The following TUT7 variants were observed in gnomAD, a reference collection of about 807,000 sequenced individuals.
TUT7 encodes terminal uridylyltransferase 7.
TUT7 carries 33 observed loss-of-function variants against 165.9 expected under a neutral mutation model. The ratio of observed to expected loss-of-function variants is 0.20; its 90% CI spans 0.15 to 0.27. The LOEUF (loss-of-function observed/expected upper bound fraction) is 0.27. TUT7 is among the 10% of genes least tolerant of loss of function. The pLI is 1.00. For synonymous variants in TUT7, 552 were observed against 608.1 expected (o/e 0.91, Z 1.36); for missense variants, 1,338 against 1,762.3 (o/e 0.76, Z 4.31).
intron 10 of TUT7, among the ~76,000 whole-genome samples, chr9:86,332,431 C>T (rs1220162744): frequency 6.6e-6 from 1 of 152,072 alleles, no homozygotes; most frequent in Non-Finnish European, 1.5e-5. Flanking sequence ...AGCAAACTAA[C>T]GTAGGAACAG....
At chr9:86,290,027 C>G (rs1825790882) in intron 26 of TUT7, among the ~76,000 whole-genome samples, 1 of 151,604 alleles carries the variant, frequency 6.6e-6, no homozygotes, top group Non-Finnish European at 1.5e-5. Context: ...TAAAATATAC[C>G]CCACCAATCA....
At chr9:86,347,792 C>T (rs1296530487) in intron 2 of TUT7, among the ~76,000 whole-genome samples, 1 of 152,082 alleles carries the variant, frequency 6.6e-6, no homozygotes, top group Non-Finnish European at 1.5e-5. Flanking sequence ...GGCTACCTTG[C>T]GCTACCTTAA....
intron 2 of TUT7, 25 bp downstream of exon 2, chr9:86,352,655 G>C (rs752494959): frequency 6.2e-7 from 1 of 1,613,702 alleles, no homozygotes; most frequent in Non-Finnish European, 8.5e-7. Flanking sequence ...CTGGGGTTGT[G>C]ATCTGACAAG....
At chr9:86,316,492 C>A (rs894678535) in intron 17 of TUT7, among the ~76,000 whole-genome samples, 1 of 152,160 alleles carries the variant, frequency 6.6e-6, no homozygotes, top group Non-Finnish European at 1.5e-5. Context: ...GCTTGTTGAG[C>A]AGAACAGCTG....
chr9:86,323,310 C>T lies in TUT7; in HGVS notation c.2440G>A (p.Gly814Arg). Residue 814 changes from glycine (G) to arginine (R), a missense_variant, in exon 13 of 27, where the codon GGA becomes AGA. Gly to Arg is a moderately radical substitution (Grantham distance 125). This residue lies in a region of TUT7 where 425 missense variants were observed against 474.9 expected (regional missense o/e 0.89). Transcript: ENST00000375963. ...ATLDNKADLD[G>R]ESTEGTEELE... ...TCCTCAGTACCTTCTGTACTTTCTC[C>T]ATCAAGATCAGCCTTGTTATCTAAA... The T allele has an allele frequency of 1.2e-6, 2 of 1,614,148 alleles. No individual in the cohort carries two copies. Among genetic ancestry groups the T allele is most frequent in the Non-Finnish European group, 1.7e-6 (2 of 1,180,028 alleles).
At chr9:86,353,273 G>A in intron 1 of TUT7, 43 bp from the exon 2 acceptor site, 7 of 1,436,174 alleles carry the variant, frequency 4.9e-6, no homozygotes, top group Non-Finnish European at 6.5e-6. Flanking sequence ...TATATAACAA[G>A]ATATCATACA....
At chr9:86,316,196 A>G (rs540674639) in intron 17 of TUT7, among the ~76,000 whole-genome samples, 4 of 152,244 alleles carry the variant, frequency 2.6e-5, no homozygotes, top group Non-Finnish European at 5.9e-5. Context: ...CATGACAACA[A>G]AAGGATACGT....
At chr9:86,324,095 T>TAA in intron 12 of TUT7, 135 bp from the exon 13 acceptor site, 3 of 844,316 alleles carry the variant, frequency 3.6e-6, no homozygotes, top group East Asian at 3.0e-5. Flanking sequence ...TTTATAGACT[T>TAA]AAAAAAAAAC....
intron 2 of TUT7, among the ~76,000 whole-genome samples, chr9:86,348,504 G>C (rs1221463445): frequency 6.6e-6 from 1 of 152,166 alleles, no homozygotes; most frequent in Non-Finnish European, 1.5e-5. Flanking sequence ...GTAATTCCCA[G>C]CACTTTGGGA....
intron 2 of TUT7, among the ~76,000 whole-genome samples, chr9:86,351,925 T>C (rs1455351587): frequency 6.6e-6 from 1 of 152,218 alleles, no homozygotes; most frequent in African/African-American, 2.4e-5. Flanking sequence ...AAAAATAACC[T>C]TCCTGTTTGC....
At chr9:86,295,036 A>G (rs955799214) in intron 26 of TUT7, among the ~76,000 whole-genome samples, 1 of 152,048 alleles carries the variant, frequency 6.6e-6, no homozygotes, top group Non-Finnish European at 1.5e-5. Flanking sequence ...TGCCCCTGTC[A>G]TTTTTGTTGC....
Position 86,323,870 on chromosome 9 carries a change from T to G in TUT7, c.1880A>C (p.Lys627Thr), listed in dbSNP as rs1829554412. 2.5e-6 allele frequency: 4 copies of G among 1,613,986 alleles called. No individual in the cohort carries two copies. Among genetic ancestry groups the G allele is most frequent in the Non-Finnish European group, 3.4e-6 (4 of 1,179,968 alleles). ...AATTTTGTGTGGAAGAGCAAAATAC[T>G]TGTATGTTGTCCTTAAACAATGAAG... Reference protein sequence around the residue: ...YILHCLRTTYKYFALPHKITK... With the variant: ...YILHCLRTTYTYFALPHKITK... Residue 627 changes from lysine to threonine, a missense_variant, in exon 13 of 27, where the codon AAG becomes ACG. Around this residue, in one of 7 missense-constraint regions of TUT7, gnomAD observed 425 missense variants for 474.9 expected, o/e 0.89. Transcript: ENST00000375963.
At chr9:86,345,622 TAA>T (rs1452704257) in intron 4 of TUT7, 45 bp downstream of exon 4, 6 of 1,348,270 alleles carry the variant, frequency 4.5e-6, no homozygotes, top group Non-Finnish European at 4.2e-6. Context: ...TGACAAGTAA[TAA>T]CAACTAACAA....
intron 10 of TUT7, among the ~76,000 whole-genome samples, chr9:86,333,386 GACTA>G (rs1020473021): frequency 1.3e-5 from 2 of 151,986 alleles, no homozygotes; most frequent in African/African-American, 2.4e-5. Context: ...TTTCAACCTT[GACTA>G]ACTGACCCAG....
intron 11 of TUT7, among the ~76,000 whole-genome samples, chr9:86,328,046 C>T (rs1829957118): frequency 6.6e-6 from 1 of 152,156 alleles, no homozygotes; most frequent in Non-Finnish European, 1.5e-5. Context: ...ATTTAAACCT[C>T]ATAATACCAC....
intron 15 of TUT7, 112 bp downstream of exon 15, chr9:86,319,472 T>C (rs569488095): frequency 7.3e-4 from 561 of 766,246 alleles, no homozygotes; most frequent in Non-Finnish European, 1.0e-3. Flanking sequence ...CCTGGGTATA[T>C]TGCAAAACAA....
chr9:86,340,182 T>C, intron 7 of TUT7, 77 bp from the exon 8 acceptor site: 1 of 1,218,732 alleles, frequency 8.2e-7, no homozygotes, highest in Non-Finnish European at 1.2e-6. Context: ...AAAGTACAAG[T>C]ACCAGTTGTC....
chr9:86,346,562 A>G, intron 2 of TUT7, 82 bp from the exon 3 acceptor site: 7 of 1,348,524 alleles, frequency 5.2e-6, no homozygotes, highest in Non-Finnish European at 7.2e-6. Flanking sequence ...TATGTATTAA[A>G]TCATGTGAGA....
chr9:86,294,274 C>G (rs1429282059), intron 26 of TUT7, among the ~76,000 whole-genome samples: 1 of 96,818 alleles, frequency 1.0e-5, no homozygotes. Context: ...TGCCATGAGG[C>G]AAAAAAAAAA....
Sources: allele counts gnomAD v4.1 joint callset (sites outside exome capture counted in the v4.1 genomes callset), GRCh38; gene constraint gnomAD v4.1.1; regional missense constraint gnomAD v4.1.1; transcripts MANE v1.5; gene names NCBI Gene and HGNC (gene_info 2026-07-23, HGNC 2026-07-21).